Variants in GNG12 observed in about 807,000 individuals in gnomAD.
The protein encoded by GNG12 is G protein subunit gamma 12, also known as guanine nucleotide-binding protein G(I)/G(S)/G(O) subunit gamma-12.
For missense variants in GNG12, 69 were observed against 83.8 expected, an observed-to-expected ratio of 0.82 and a Z score of 0.69; for synonymous variants, 28 against 29.7, an observed-to-expected ratio of 0.94 and a Z score of 0.19.
At chr1:67,723,065 T>C (rs2100690328) in intron 2 of GNG12, among the ~76,000 whole-genome samples, 1 of 152,314 alleles carries the variant, frequency 6.6e-6, no homozygotes, top group East Asian at 1.9e-4. Flanking sequence ...ATCATTATTA[T>C]TAGGAGTTAG....
chr1:67,781,431 A>G (rs538583706), intron 1 of GNG12, among the ~76,000 whole-genome samples: 1 of 152,334 alleles, frequency 6.6e-6, no homozygotes, highest in Non-Finnish European at 1.5e-5. Context: ...CTGGAGATGC[A>G]GTGGTGAATG....
intron 2 of GNG12, among the ~76,000 whole-genome samples, chr1:67,717,238 G>A (rs1012887392): frequency 4.6e-5 from 7 of 152,100 alleles, no homozygotes; most frequent in Non-Finnish European, 8.8e-5. Flanking sequence ...CTACTCGGCC[G>A]GGTATGGTGG....
intron 1 of GNG12, 68 bp downstream of exon 1, chr1:67,833,276 C>T: frequency 3.8e-6 from 2 of 520,062 alleles, no homozygotes; most frequent in South Asian, 7.8e-5. Context: ...CGCTGGCCGA[C>T]GCCCCGCGCC....
At chr1:67,759,664 A>G (rs561017260) in intron 2 of GNG12, among the ~76,000 whole-genome samples, 9 of 152,338 alleles carry the variant, frequency 5.9e-5, no homozygotes, top group African/African-American at 2.2e-4. Flanking sequence ...TGCAATAAAT[A>G]CTAGTCATTG....
intron 1 of GNG12, among the ~76,000 whole-genome samples, chr1:67,809,038 T>C (rs1646908759): frequency 2.0e-5 from 3 of 152,148 alleles, no homozygotes; most frequent in Admixed American, 6.5e-5. Flanking sequence ...TCAAGACTTA[T>C]TATAAAGCTA....
At chr1:67,738,145 C>CA (rs1646462889) in intron 2 of GNG12, among the ~76,000 whole-genome samples, 1 of 151,982 alleles carries the variant, frequency 6.6e-6, no homozygotes, top group South Asian at 2.1e-4. Context: ...TCATGTTGCC[C>CA]AGGCTGGTCT....
rs976462294 is a variant in GNG12, at chr1:67,805,057, G to A, written c.-76-27550C>T. Among the ~76,000 whole-genome samples, 11 of 152,234 alleles carry A rather than the reference G, an allele frequency of 7.2e-5. No homozygotes were observed. In the East Asian group the frequency reaches 1.5e-3, roughly 21 times the overall value. ...GGTTTTATCAGAGCCTAACTTATCTGGGGAAAAGAAATACCCAACTCCAGT... is the reference window on the plus strand; with the variant it reads ...GGTTTTATCAGAGCCTAACTTATCTAGGGAAAAGAAATACCCAACTCCAGT... On this transcript the variant is annotated intron_variant, in intron 1 of 3. Coordinates refer to ENST00000370982, the MANE Select transcript of GNG12 (RefSeq NM_018841.6).
At position 67,766,655 on chromosome 1, in the gene GNG12, C is replaced by A. The variant is rs574757864; in HGVS notation, c.-27+10803G>T. Among the ~76,000 whole-genome samples the A allele has an allele frequency of 4.6e-4, 69 of 149,932 alleles. 1 individual carries two copies. The highest frequency in any genetic ancestry group is 1.7e-3 in the African/African-American group (69 of 40,586). On this transcript the variant is annotated intron_variant, in intron 2 of 3. Transcript: ENST00000370982. ...ATTTTCCACTGGGGAAATTCTGAAG[C>A]CAGGTGAAGCCTCACACGGGGCTCC...
rs60096043 is a variant in GNG12 at position 67,786,935 on chromosome 1, ATGTGTGTGTGTGTGTGTG to A, written c.-76-9446_-76-9429del. Among the ~76,000 whole-genome samples the A allele has an allele frequency of 1.6e-3, 215 of 133,458 alleles. 1 individual carries two copies. The highest frequency in any genetic ancestry group is 2.6e-3 in the East Asian group (12 of 4,602). The allele number at this position is 133,458 out of a possible 152,430, so 87.6% of individuals were successfully genotyped here. ...CTAGGTAACAGAGACTTATATATAT[ATGTGTGTGTGTGTGTGTG>A]TGTGTGTGTGTGTGTGTGTGTGTGT... On this transcript the variant is annotated intron_variant, in intron 1 of 3. Coordinates refer to ENST00000370982, the MANE Select transcript of GNG12 (RefSeq NM_018841.6).
intron 2 of GNG12, among the ~76,000 whole-genome samples, chr1:67,760,184 A>G (rs972889064): frequency 3.9e-5 from 6 of 152,196 alleles, no homozygotes; most frequent in African/African-American, 1.2e-4. Context: ...GTGACGTTCC[A>G]GTGAGTCCAA....
intron 1 of GNG12, among the ~76,000 whole-genome samples, chr1:67,821,400 G>A (rs1646983970): frequency 6.6e-6 from 1 of 152,176 alleles, no homozygotes; most frequent in Non-Finnish European, 1.5e-5. Flanking sequence ...TGCTAGTTCT[G>A]ATATGGGCTC....
intron 2 of GNG12, among the ~76,000 whole-genome samples, chr1:67,750,476 C>T (rs2100724980): frequency 6.6e-6 from 1 of 152,294 alleles, no homozygotes; most frequent in East Asian, 1.9e-4. Flanking sequence ...AGGGCAGAAA[C>T]ACTCCTTTAT....
intron 1 of GNG12, among the ~76,000 whole-genome samples, chr1:67,825,152 T>C (rs1570578732): frequency 6.6e-6 from 1 of 152,348 alleles, no homozygotes; most frequent in East Asian, 1.9e-4. Flanking sequence ...AATCAAATCA[T>C]ACTATAAACA....
rs376463405 is a variant in GNG12, at chr1:67,735,978, A to AGGGAAAGAGCCAGG, written c.-26-28280_-26-28267dup. ...TAAACCAAGTGGAGGAGTTCTCACAAGGGAAAGAGCCAGGTGCTGACCCCC... is the reference window on the plus strand; with the variant it reads ...TAAACCAAGTGGAGGAGTTCTCACAAGGGAAAGAGCCAGGGGGAAAGAGCCAGGTGCTGACCCCC... On this transcript the variant is annotated intron_variant, in intron 2 of 3. Coordinates refer to ENST00000370982, the MANE Select transcript of GNG12 (RefSeq NM_018841.6). Among the ~76,000 whole-genome samples the AGGGAAAGAGCCAGG allele has an allele frequency of 7.2e-3, 1,102 of 152,314 alleles. 10 individuals carry two copies. The highest frequency in any genetic ancestry group is 0.026 in the African/African-American group (1,064 of 41,570).
chr1:67,741,960 C>T (rs899743866), intron 2 of GNG12, among the ~76,000 whole-genome samples: 5 of 152,208 alleles, frequency 3.3e-5, no homozygotes, highest in African/African-American at 1.2e-4. Flanking sequence ...CTGCATTGCT[C>T]TACTTGCCTG....
At chr1:67,722,262 G>C (rs1646360356) in intron 2 of GNG12, among the ~76,000 whole-genome samples, 1 of 152,148 alleles carries the variant, frequency 6.6e-6, no homozygotes, top group South Asian at 2.1e-4. Context: ...AGTTGTGTCA[G>C]CTTCTTGAAG....
Position 67,810,798 on chromosome 1 carries a change from A to G in GNG12, c.-77+22546T>C, listed in dbSNP as rs562815216. 1.2e-4 allele frequency among the ~76,000 whole-genome samples: 18 copies of G among 152,318 alleles called. No individual in the cohort carries two copies. The East Asian group carries it at 3.5e-3, about 29-fold the overall frequency. ...ACCTGGTTCTAACTCCAGTTCTGTGATGACCGCAATGATGACTGATGAGTT... is the reference window on the plus strand; with the variant it reads ...ACCTGGTTCTAACTCCAGTTCTGTGGTGACCGCAATGATGACTGATGAGTT... On this transcript the variant is annotated intron_variant, in intron 1 of 3. Coordinates refer to ENST00000370982, the MANE Select transcript of GNG12 (RefSeq NM_018841.6).
chr1:67,784,642 T>C (rs1050979381), intron 1 of GNG12, among the ~76,000 whole-genome samples: 1 of 152,224 alleles, frequency 6.6e-6, no homozygotes, highest in Non-Finnish European at 1.5e-5. Context: ...ATTCGTATAC[T>C]ATGATCCTGA....
intron 2 of GNG12, among the ~76,000 whole-genome samples, chr1:67,709,267 T>TG (rs1440630918): frequency 6.6e-6 from 1 of 152,176 alleles, no homozygotes; most frequent in Non-Finnish European, 1.5e-5. Context: ...TTTTTATCCT[T>TG]GGGGGTCACA....
Sources: allele counts gnomAD v4.1 joint callset (sites outside exome capture counted in the v4.1 genomes callset), GRCh38; gene constraint gnomAD v4.1.1; transcripts MANE v1.5; gene names NCBI Gene and HGNC (gene_info 2026-07-23, HGNC 2026-07-21).